Variants in SLC60A1 observed in about 807,000 individuals in gnomAD.
SLC60A1 encodes major facilitator superfamily domain containing 4.
At chr1:205,580,464 C>T in the SLC60A1 span, among the ~76,000 whole-genome samples, 1 of 152,132 alleles carries the variant, frequency 6.6e-6, no homozygotes, top group African/African-American at 2.4e-5. This position sits in a 1 kb window ranked among gnomAD's most constrained non-coding sequence, Gnocchi z 5.0. Context: ...TGTCACTCCT[C>T]ACCTCCCCTC....
the SLC60A1 span, chr1:205,599,308 G>A: frequency 5.5e-5 from 88 of 1,603,076 alleles, no homozygotes; most frequent in East Asian, 1.9e-3. Flanking sequence ...GGGTCGGGGA[G>A]CGGGGGAGCA....
the SLC60A1 span, among the ~76,000 whole-genome samples, chr1:205,597,373 GTTTTTTTTTTTTTTTT>G: frequency 5.4e-5 from 2 of 37,228 alleles, no homozygotes; most frequent in Non-Finnish European, 7.0e-5. Context: ...AACCTAGGTT[GTTTTTTTTTTTTTTTT>G]TTTTTTTTTT....
the SLC60A1 span, chr1:205,597,856 T>TG: frequency 6.2e-7 from 1 of 1,613,766 alleles, no homozygotes; most frequent in South Asian, 1.1e-5. Context: ...GTTCGGTATG[T>TG]GGGGACCTGT....
the SLC60A1 span, chr1:205,600,265 G>T: frequency 4.6e-5 from 34 of 736,082 alleles, 1 homozygote; most frequent in South Asian, 7.3e-4. Flanking sequence ...AGAACTAGGG[G>T]GTCTGACTTT....
chr1:205,589,181 A>G, the SLC60A1 span, among the ~76,000 whole-genome samples: 3 of 152,020 alleles, frequency 2.0e-5, no homozygotes, highest in African/African-American at 7.2e-5. Flanking sequence ...CGGCTTCCAA[A>G]CCCCGGCATC....
chr1:205,589,920 G>A, the SLC60A1 span, among the ~76,000 whole-genome samples: 5 of 152,200 alleles, frequency 3.3e-5, no homozygotes, highest in Non-Finnish European at 5.9e-5. Flanking sequence ...TGTTTTTTGA[G>A]ATGGTGTGGA....
the SLC60A1 span, chr1:205,569,244 T>C: frequency 6.4e-7 from 1 of 1,569,748 alleles, no homozygotes; most frequent in Non-Finnish European, 8.6e-7. Context: ...GGTCTTCTTC[T>C]CGCAGCAGCT....
chr1:205,602,825 A>G, the SLC60A1 span: 2 of 152,238 alleles, frequency 1.3e-5, no homozygotes, highest in Admixed American at 6.5e-5. Flanking sequence ...ATCAATGGCT[A>G]TATCGAAGTT....
chr1:205,597,693 C>T, the SLC60A1 span: 1 of 1,425,028 alleles, frequency 7.0e-7, no homozygotes, highest in Non-Finnish European at 9.9e-7. Context: ...GCATATGCCA[C>T]TGTGCCTGGC....
chr1:205,576,408 C>CAGCCCCAA, the SLC60A1 span, among the ~76,000 whole-genome samples: 1 of 152,186 alleles, frequency 6.6e-6, no homozygotes. Flanking sequence ...CTCCTCGTGG[C>CAGCCCCAA]AGCCCCAACC....
chr1:205,589,294 G>T, the SLC60A1 span, among the ~76,000 whole-genome samples: 3 of 152,162 alleles, frequency 2.0e-5, no homozygotes, highest in African/African-American at 7.2e-5. Flanking sequence ...CGTGTTCAAA[G>T]GCCTGGGTTA....
chr1:205,602,119 G>A, the SLC60A1 span: 2 of 152,186 alleles, frequency 1.3e-5, no homozygotes, highest in Non-Finnish European at 1.5e-5. Context: ...GTAGCAAATG[G>A]CTATTAGAGT....
the SLC60A1 span, chr1:205,580,623 A>ACCCCCCCC: frequency 2.2e-5 from 34 of 1,570,366 alleles, no homozygotes; most frequent in South Asian, 8.9e-5. This position sits in a 1 kb window ranked among gnomAD's most constrained non-coding sequence, Gnocchi z 5.0. Context: ...CTGAAGACTG[A>ACCCCCCCC]CCCCCACCCC....
the SLC60A1 span, chr1:205,580,634 C>CCCCCCCCCCCCCCCCCCCTT: frequency 1.3e-6 from 2 of 1,589,638 alleles, no homozygotes; most frequent in Non-Finnish European, 8.6e-7. This position sits in a 1 kb window ranked among gnomAD's most constrained non-coding sequence, Gnocchi z 5.0. Context: ...CCCCCACCCC[C>CCCCCCCCCCCCCCCCCCCTT]ACCCGCCACC....
At chr1:205,586,357 C>T in the SLC60A1 span, 51 of 1,032,138 alleles carry the variant, frequency 4.9e-5, no homozygotes, top group African/African-American at 4.8e-4. Context: ...GAGAGGATGA[C>T]GAGGAAGGGG....
At chr1:205,597,936 C>A in the SLC60A1 span, 1 of 1,352,676 alleles carries the variant, frequency 7.4e-7, no homozygotes, top group Non-Finnish European at 1.1e-6. Context: ...ACCTTCTGAA[C>A]TCAAACTGTC....
At chr1:205,584,795 C>G in the SLC60A1 span, 1 of 1,316,712 alleles carries the variant, frequency 7.6e-7, no homozygotes, top group South Asian at 1.2e-5. Context: ...GCTCTTCTGA[C>G]TGCCAGCCAC....
chr1:205,589,355 G>A, the SLC60A1 span, among the ~76,000 whole-genome samples: 1 of 152,154 alleles, frequency 6.6e-6, no homozygotes, highest in Non-Finnish European at 1.5e-5. Context: ...GTGGGGGATC[G>A]GGAGCAGAAA....
At chr1:205,577,718 C>T in the SLC60A1 span, among the ~76,000 whole-genome samples, 1 of 152,184 alleles carries the variant, frequency 6.6e-6, no homozygotes, top group African/African-American at 2.4e-5. This position sits in a 1 kb window ranked among gnomAD's most constrained non-coding sequence, Gnocchi z 5.2. Context: ...AACTCAGTCA[C>T]ATACCCATAC....
Sources: gnomAD v4.1 joint callset for allele counts (sites outside exome capture counted in the v4.1 genomes callset) on GRCh38, gnomAD v4.1.1 for gene constraint, Gnocchi (gnomAD v3.1) non-coding constraint, MANE v1.5 for transcripts, NCBI Gene and HGNC (gene_info 2026-07-23, HGNC 2026-07-21) for gene names.